STKLD1: variants seen among roughly 807,000 people sequenced by gnomAD.
STKLD1 encodes the protein serine/threonine kinase like domain containing 1.
In STKLD1, 79 loss-of-function variants were observed where a neutral mutation model predicts 80.4. The ratio of observed to expected loss-of-function variants is 0.98; its 90% CI spans 0.82 to 1.19. The LOEUF is 1.19. STKLD1 is among the 50% of genes most tolerant of loss of function. STKLD1 has a pLI of 0.00. For synonymous variants in STKLD1, 393 were observed against 357.6 expected, an observed-to-expected ratio of 1.10 and a Z score of -1.12; for missense variants, 841 against 856.0, an observed-to-expected ratio of 0.98 and a Z score of 0.22.
At chr9:133,391,726 T>C (rs1838402866) in intron 7 of STKLD1, among the ~76,000 whole-genome samples, 1 of 151,788 alleles carries the variant, frequency 6.6e-6, no homozygotes, top group African/African-American at 2.4e-5. Context: ...ACAAACACTC[T>C]GCCTAGGAAA....
intron 12 of STKLD1, 127 bp downstream of exon 12, chr9:133,400,656 C>T: frequency 1.3e-6 from 1 of 784,894 alleles, no homozygotes; most frequent in Non-Finnish European, 2.2e-6. Flanking sequence ...CTCCCTGCTG[C>T]TGCACCTTCT....
At chr9:133,386,982 CAAG>C (rs1230042824) in intron 4 of STKLD1, among the ~76,000 whole-genome samples, 3 of 152,176 alleles carry the variant, frequency 2.0e-5, no homozygotes, top group Non-Finnish European at 4.4e-5. Flanking sequence ...CTAATGCTCT[CAAG>C]GAGGGTGCAG....
At position 133,394,464 on chromosome 9, in the gene STKLD1, C is replaced by G; in HGVS notation, c.702+55C>G. The G allele has an allele frequency of 7.4e-7, 1 of 1,348,394 alleles. No homozygotes were observed. Among genetic ancestry groups the G allele is most frequent in the Non-Finnish European group, 1.1e-6 (1 of 939,822 alleles). 83.5% of individuals were successfully genotyped at this position (1,348,394 alleles called of 1,614,324 possible). A position where few individuals can be genotyped will look rare whatever the true frequency, so the allele number is the denominator to read the frequency against. The stretch of plus-strand genomic sequence containing the variant: ...CATGCTGTTCCCCACGCGCCCAGGC[C>G]TGGGGAAAAGGCTTGGCCTCACCCT... On this transcript the variant is annotated intron_variant, in intron 8 of 17. Transcript: ENST00000371957. The surrounding 1 kb of genome is among the most constrained non-coding windows in gnomAD (Gnocchi z 4.9).
Position 133,402,869 on chromosome 9 carries a change from C to A in STKLD1, c.1340-9C>A. 6.3e-7 allele frequency: 1 copy of A among 1,595,366 alleles called. No homozygotes were observed. Among genetic ancestry groups the A allele is most frequent in the Non-Finnish European group, 8.5e-7 (1 of 1,171,018 alleles). ...GGGCCCTGGGGCCCTCATTCTGGCT[C>A]ACCCACAGAGTCAGAGTCACTGTCA... is the stretch of plus-strand genomic sequence containing the variant. On this transcript the variant is annotated splice_polypyrimidine_tract_variant and intron_variant, in intron 13 of 17. Transcript: ENST00000371957.
intron 14 of STKLD1, 97 bp downstream of exon 14, chr9:133,403,109 T>TC: frequency 7.7e-7 from 1 of 1,296,320 alleles, no homozygotes; most frequent in Non-Finnish European, 1.0e-6. Flanking sequence ...CTCCATGTCC[T>TC]GTCCCTAAAA....
Position 133,386,534 on chromosome 9 carries a change from G to A in STKLD1, c.294+843G>A, listed in dbSNP as rs188110518. 4.5e-3 allele frequency among the ~76,000 whole-genome samples: 682 copies of A among 152,334 alleles called. 3 individuals carry two copies. Among genetic ancestry groups the A allele is most frequent in the Middle Eastern group, 0.017 (5 of 294 alleles). On this transcript the variant is annotated intron_variant, in intron 4 of 17. Transcript: ENST00000371957. ...TGACCAGCACCACATCCGTCATCAC[G>A]TGCCAGGAGGGCTGCAGGGCAGGAA... is the stretch of plus-strand genomic sequence containing the variant.
At chr9:133,382,567 G>C (rs1838159287) in intron 2 of STKLD1, among the ~76,000 whole-genome samples, 1 of 151,238 alleles carries the variant, frequency 6.6e-6, no homozygotes, top group Non-Finnish European at 1.5e-5. Flanking sequence ...TGTGATGATG[G>C]TGATGGTGGT....
In STKLD1 at chr9:133,401,740, C is replaced by T. The variant is rs1588756342; in HGVS notation, c.1201C>T (p.Leu401=). The T allele has an allele frequency of 6.2e-7, 1 of 1,612,036 alleles. No individual in the cohort carries two copies. Among genetic ancestry groups the T allele is most frequent in the Non-Finnish European group, 8.5e-7 (1 of 1,179,702 alleles). The change falls in exon 13 of 18, where the codon CTG becomes TTG. Residue 401 remains leucine (L), a splice_region_variant and synonymous_variant. Coordinates refer to ENST00000371957, the MANE Select transcript of STKLD1 (RefSeq NM_153710.5). ...SLLLHLLGQA[L]VHHPEAKAPC... is the part of the protein sequence containing the mutation. ...GCGTCTTCCTCTGGCTTGAGCAGCG[C>T]TGGTGCACCACCCGGAAGCCAAGGC...
rs782181410 is a variant in STKLD1 at position 133,403,756 on chromosome 9, T to G, written c.1531T>G (p.Leu511Val). Reference sequence around the variant, plus strand: ...GGTCCCGGACCTCATCAGCCAGGTGTTGGCCACCTACCCTGCGGATGGGGA... The same window carrying G: ...GGTCCCGGACCTCATCAGCCAGGTGGTGGCCACCTACCCTGCGGATGGGGA... ...EKVPDLISQV[L>V]ATYPADGEMA... The change falls in exon 15 of 18, where the codon TTG (leucine) becomes GTG (valine). Residue 511 changes from leucine to valine, a missense_variant. Coordinates refer to ENST00000371957, the MANE Select transcript of STKLD1 (RefSeq NM_153710.5). 1 of 1,613,808 alleles carries G rather than the reference T, an allele frequency of 6.2e-7. No individual in the cohort carries two copies. Among genetic ancestry groups the G allele is most frequent in the South Asian group, 1.1e-5 (1 of 91,078 alleles).
Position 133,381,964 on chromosome 9 carries a change from A to G in STKLD1, c.175-1892A>G, listed in dbSNP as rs1029717660. 6.5e-4 allele frequency among the ~76,000 whole-genome samples: 99 copies of G among 152,196 alleles called. 2 individuals are homozygous for G. The highest frequency in any genetic ancestry group is 2.0e-4 in the Admixed American group (3 of 15,280). On this transcript the variant is annotated intron_variant, in intron 2 of 17. Coordinates refer to ENST00000371957, the MANE Select transcript of STKLD1 (RefSeq NM_153710.5). Reference sequence around the variant, plus strand: ...TCTGCATTCACCCCATTATAAGAGTACTTCATTCATAAGTCTTTTGAGCAA... The same window carrying G: ...TCTGCATTCACCCCATTATAAGAGTGCTTCATTCATAAGTCTTTTGAGCAA...
chr9:133,388,404 C>T (rs987027843), intron 5 of STKLD1, among the ~76,000 whole-genome samples: 1 of 152,166 alleles, frequency 6.6e-6, no homozygotes, highest in Non-Finnish European at 1.5e-5. Context: ...CCCACCACCA[C>T]ACCCACTAAT....
At chr9:133,387,609 G>A in intron 5 of STKLD1, 61 bp downstream of exon 5, 1 of 1,348,558 alleles carries the variant, frequency 7.4e-7, no homozygotes. Flanking sequence ...AGGCCCTGCG[G>A]TGCAGGGCAA....
intron 5 of STKLD1, chr9:133,387,772 G>C (rs2130280756): frequency 1.5e-6 from 1 of 653,964 alleles, no homozygotes; most frequent in Non-Finnish European, 2.8e-6. Flanking sequence ...GACAGAAGGC[G>C]TTCCTAACAC....
intron 10 of STKLD1, 145 bp downstream of exon 10, chr9:133,397,439 T>G: frequency 9.1e-7 from 1 of 1,095,612 alleles, no homozygotes; most frequent in South Asian, 1.5e-5. Flanking sequence ...ACAGTTTCCC[T>G]CCATCCATCC....
chr9:133,390,194 AACACACACACACACACACACACACAC>A lies in STKLD1; in HGVS notation c.468-454_468-429del, dbSNP rs71378573. On this transcript the variant is annotated intron_variant, in intron 6 of 17. Transcript: ENST00000371957. The surrounding 1 kb of genome is among the most constrained non-coding windows in gnomAD (Gnocchi z 5.1). ...TTCAGCCTGGGCAACCCTGACTTAA[AACACACACACACACACACACACACAC>A]ACACACACACACACACACACACACA... 1.9e-4 allele frequency among the ~76,000 whole-genome samples: 23 copies of A among 123,410 alleles called. No homozygotes were observed. The South Asian group carries it at 2.0e-3, about 11-fold the overall frequency. The allele number at this position is 123,410 out of a possible 152,430, so 81.0% of individuals were successfully genotyped here. A position where few individuals can be genotyped will look rare whatever the true frequency, so the allele number is the denominator to read the frequency against.
At chr9:133,397,408 A>G in intron 10 of STKLD1, 114 bp downstream of exon 10, 1 of 1,372,034 alleles carries the variant, frequency 7.3e-7, no homozygotes, top group Non-Finnish European at 9.9e-7. Context: ...CTTGCTCCAC[A>G]TGCACGACCA....
intron 2 of STKLD1, among the ~76,000 whole-genome samples, chr9:133,380,738 G>A (rs1485834096): frequency 6.6e-6 from 1 of 152,050 alleles, no homozygotes; most frequent in East Asian, 1.9e-4. Context: ...AGTGTAGGTA[G>A]GAGTTTATGG....
At chr9:133,383,393 T>C (rs1489781674) in intron 2 of STKLD1, among the ~76,000 whole-genome samples, 37 of 9,428 alleles carry the variant, frequency 3.9e-3, no homozygotes, top group Non-Finnish European at 7.8e-3. Context: ...ATGGTAATGA[T>C]GGTGATGATA....
At chr9:133,377,358 G>A (rs1210279371) in intron 1 of STKLD1, among the ~76,000 whole-genome samples, 2 of 152,130 alleles carry the variant, frequency 1.3e-5, no homozygotes, top group East Asian at 1.9e-4. Context: ...CCCTCAGCCC[G>A]CTGTGGCTTA....
Sources: gnomAD v4.1 joint callset for allele counts (sites outside exome capture counted in the v4.1 genomes callset) on GRCh38, gnomAD v4.1.1 for gene constraint, Gnocchi (gnomAD v3.1) non-coding constraint, MANE v1.5 for transcripts, NCBI Gene and HGNC (gene_info 2026-07-23, HGNC 2026-07-21) for gene names.